Variants in GRIN2B observed in about 807,000 individuals in gnomAD.
GRIN2B encodes glutamate receptor ionotropic, NMDA 2B.
A neutral mutation model predicts 114.5 loss-of-function variants in GRIN2B; 5 were observed. The ratio of observed to expected loss-of-function variants is 0.04; its 90% CI spans 0.02 to 0.09. The LOEUF is 0.09. Ranked by LOEUF, GRIN2B falls within the 10% of genes least tolerant of loss-of-function variation. GRIN2B has a pLI of 1.00. For missense variants in GRIN2B, 1,108 were observed against 1,943.5 expected, an observed-to-expected ratio of 0.57 and a Z score of 8.08; for synonymous variants, 787 against 745.1, an observed-to-expected ratio of 1.06 and a Z score of -0.92.
chr12:13,660,357 T>C (rs1949909835), intron 5 of GRIN2B, among the ~76,000 whole-genome samples: 1 of 152,180 alleles, frequency 6.6e-6, no homozygotes, highest in African/African-American at 2.4e-5. Flanking sequence ...AAAGGGTACA[T>C]TTCTTGAGAA....
At chr12:13,899,390 G>A (rs867639346) in intron 2 of GRIN2B, among the ~76,000 whole-genome samples, 2 of 111,912 alleles carry the variant, frequency 1.8e-5, no homozygotes, top group African/African-American at 5.2e-5. Context: ...AAAGGAAGTG[G>A]GTCAGTGTCA....
At chr12:13,590,329 C>T (rs973481924) in intron 10 of GRIN2B, among the ~76,000 whole-genome samples, 6 of 151,944 alleles carry the variant, frequency 3.9e-5, no homozygotes, top group African/African-American at 1.5e-4. Flanking sequence ...CTATCAATTC[C>T]CCATCTAGGT....
At chr12:13,595,898 C>A (rs1280381264) in intron 10 of GRIN2B, among the ~76,000 whole-genome samples, 1 of 152,120 alleles carries the variant, frequency 6.6e-6, no homozygotes, top group Non-Finnish European at 1.5e-5. Context: ...TTGCTCAGTG[C>A]TCCAAGTCAA....
chr12:13,669,233 C>T (rs1353538315), intron 5 of GRIN2B, among the ~76,000 whole-genome samples: 4 of 151,888 alleles, frequency 2.6e-5, no homozygotes, highest in Non-Finnish European at 5.9e-5. Context: ...GATCTTAAGC[C>T]CACTCACTCT....
chr12:13,920,736 G>A (rs1476328166), intron 2 of GRIN2B, among the ~76,000 whole-genome samples: 4 of 152,152 alleles, frequency 2.6e-5, no homozygotes, highest in African/African-American at 4.8e-5. Context: ...GTGACATCAG[G>A]CATCTCCTGA....
intron 2 of GRIN2B, among the ~76,000 whole-genome samples, chr12:13,924,096 G>C (rs1289451644): frequency 6.6e-6 from 1 of 152,136 alleles, no homozygotes; most frequent in Non-Finnish European, 1.5e-5. Flanking sequence ...TCTATAACCT[G>C]TGCCTCTGGG....
chr12:13,735,018 A>C (rs915003776), intron 4 of GRIN2B, among the ~76,000 whole-genome samples: 2 of 152,192 alleles, frequency 1.3e-5, no homozygotes, highest in African/African-American at 4.8e-5. Context: ...TAGTTAAATA[A>C]GATAAGCCCA....
chr12:13,643,513 C>A (rs927980926), intron 5 of GRIN2B, among the ~76,000 whole-genome samples: 1 of 152,096 alleles, frequency 6.6e-6, no homozygotes, highest in African/African-American at 2.4e-5. Context: ...GCTGACTGAT[C>A]AGGGTAGTAG....
intron 5 of GRIN2B, among the ~76,000 whole-genome samples, chr12:13,635,117 C>G (rs1949656215): frequency 6.6e-6 from 1 of 152,150 alleles, no homozygotes; most frequent in Non-Finnish European, 1.5e-5. Context: ...CCTGGGCCAA[C>G]AGAGGGTCCA....
At chr12:13,943,359 C>T (rs113019836) in intron 2 of GRIN2B, among the ~76,000 whole-genome samples, 6,744 of 152,156 alleles carry the variant, frequency 0.044, 208 homozygotes, top group South Asian at 0.073. Context: ...TGGAATCAAC[C>T]CATCAGGCTT....
At position 13,547,862 on chromosome 12, in the gene GRIN2B, C is replaced by T. The variant is rs1433825107; in HGVS notation, c.*14921G>A. 2 of 151,272 alleles carry T rather than the reference C, an allele frequency of 1.3e-5. No homozygotes were observed. Among genetic ancestry groups the T allele is most frequent in the Non-Finnish European group, 2.9e-5 (2 of 67,882 alleles). 9.4% of individuals were successfully genotyped at this position (151,272 alleles called of 1,614,324 possible). ...TGTTGAAACTCTGAGATAAGAATTC[C>T]TTGCCCATCTTCTAACTTCCACCCA... On this transcript the variant is annotated 3_prime_UTR_variant, in exon 14 of 14. Transcript: ENST00000609686.
At chr12:13,700,033 T>C (rs1477946131) in intron 4 of GRIN2B, among the ~76,000 whole-genome samples, 2 of 152,290 alleles carry the variant, frequency 1.3e-5, no homozygotes, top group South Asian at 2.1e-4. Flanking sequence ...GGAATCTTTT[T>C]ATTGTAACTG....
intron 4 of GRIN2B, among the ~76,000 whole-genome samples, chr12:13,711,927 A>C (rs909367088): frequency 4.6e-5 from 7 of 152,174 alleles, no homozygotes. Flanking sequence ...ACACATGCAC[A>C]TGTATGTTTA....
At chr12:13,881,690 A>G (rs1211656619) in intron 2 of GRIN2B, among the ~76,000 whole-genome samples, 2 of 152,190 alleles carry the variant, frequency 1.3e-5, no homozygotes, top group Non-Finnish European at 2.9e-5. Flanking sequence ...TTCTTTCTTC[A>G]TCACCCGATG....
intron 2 of GRIN2B, among the ~76,000 whole-genome samples, chr12:13,932,074 A>G (rs1399452495): frequency 6.6e-6 from 1 of 152,270 alleles, no homozygotes; most frequent in Non-Finnish European, 1.5e-5. Flanking sequence ...CTCTTGCTGT[A>G]GCCTGAAAGG....
chr12:13,621,627 T>G (rs1314923438), intron 5 of GRIN2B, among the ~76,000 whole-genome samples: 13 of 146,904 alleles, frequency 8.8e-5, no homozygotes, highest in South Asian at 2.2e-4. Flanking sequence ...TTTTTTTTTT[T>G]TTTTTTTTTT....
chr12:13,627,070 T>G (rs1949576128), intron 5 of GRIN2B, among the ~76,000 whole-genome samples: 1 of 151,958 alleles, frequency 6.6e-6, no homozygotes, highest in African/African-American at 2.4e-5. Context: ...AGCTATAATA[T>G]GTAAAATTCA....
intron 4 of GRIN2B, among the ~76,000 whole-genome samples, chr12:13,730,561 G>T (rs2136603853): frequency 6.6e-6 from 1 of 152,254 alleles, no homozygotes; most frequent in Middle Eastern, 3.4e-3. Context: ...AAGTATACGG[G>T]CCAGGATGTT....
chr12:13,573,888 C>T (rs902801843), intron 10 of GRIN2B, among the ~76,000 whole-genome samples: 4 of 152,210 alleles, frequency 2.6e-5, no homozygotes, highest in Admixed American at 2.0e-4. Context: ...TGGTGTTAGG[C>T]AATCTGTGAT....
Sources: gnomAD v4.1 joint callset for allele counts (sites outside exome capture counted in the v4.1 genomes callset) on GRCh38, gnomAD v4.1.1 for gene constraint, MANE v1.5 for transcripts, NCBI Gene and HGNC (gene_info 2026-07-23, HGNC 2026-07-21) for gene names.